Variants in MTF2 observed in about 807,000 individuals in gnomAD.
MTF2 encodes the protein metal-response element-binding transcription factor 2.
MTF2 carries 11 observed loss-of-function variants against 79.5 expected under a neutral mutation model. The ratio of observed to expected loss-of-function variants is 0.14; its 90% CI spans 0.09 to 0.23. MTF2 has a LOEUF of 0.23. Ranked by LOEUF, MTF2 falls within the 10% of genes least tolerant of loss-of-function variation. MTF2 has a pLI of 1.00. For synonymous variants in MTF2, 208 were observed against 232.8 expected, an observed-to-expected ratio of 0.89 and a Z score of 0.97; for missense variants, 486 against 711.2, an observed-to-expected ratio of 0.68 and a Z score of 3.60.
intron 1 of MTF2, among the ~76,000 whole-genome samples, chr1:93,105,339 A>G (rs114603604): frequency 0.01 from 1,585 of 152,202 alleles, 33 homozygotes; most frequent in African/African-American, 0.036. Flanking sequence ...ACAAAGAATC[A>G]AGAGAATTTA....
intron 1 of MTF2, among the ~76,000 whole-genome samples, chr1:93,101,522 T>A (rs12087466): frequency 0.16 from 23,640 of 147,808 alleles, 2,170 homozygotes; most frequent in African/African-American, 0.21. Context: ...GCAAATTTTT[T>A]AAAAATTTTC....
chr1:93,091,310 C>G (rs1655067071), intron 1 of MTF2, among the ~76,000 whole-genome samples: 1 of 151,994 alleles, frequency 6.6e-6, no homozygotes, highest in Non-Finnish European at 1.5e-5. Context: ...CTGGTGACTT[C>G]TTTTCCTCAG....
At chr1:93,130,293 C>T (rs1357452425) in intron 11 of MTF2, among the ~76,000 whole-genome samples, 1 of 152,100 alleles carries the variant, frequency 6.6e-6, no homozygotes, top group Non-Finnish European at 1.5e-5. Flanking sequence ...TTTAGAAATA[C>T]TTGGCCGGGT....
chr1:93,121,029 A>G, intron 9 of MTF2: 3 of 1,032,486 alleles, frequency 2.9e-6, no homozygotes, highest in African/African-American at 1.7e-5. Context: ...CTATAAACTT[A>G]GAGATATAAC....
At position 93,118,774 on chromosome 1, in the gene MTF2, A is replaced by G. The variant is rs548429539; in HGVS notation, c.728+334A>G. Among the ~76,000 whole-genome samples, 6 of 152,348 alleles carry G rather than the reference A, an allele frequency of 3.9e-5. No individual in the cohort carries two copies. In the South Asian group the frequency reaches 1.2e-3, roughly 32 times the overall value. On this transcript the variant is annotated intron_variant, in intron 7 of 14. Transcript: ENST00000370298. ...ACAGGGCCTTGTTAAAGACACAACT[A>G]TACTTTAGATATGAAAAATTTGTAA... is the stretch of plus-strand genomic sequence containing the variant.
At chr1:93,104,268 A>C (rs1387384216) in intron 1 of MTF2, among the ~76,000 whole-genome samples, 1 of 152,042 alleles carries the variant, frequency 6.6e-6, no homozygotes, top group Non-Finnish European at 1.5e-5. Flanking sequence ...ATGCAGTTTT[A>C]TATAGGATTT....
At chr1:93,099,947 A>G (rs922084509) in intron 1 of MTF2, among the ~76,000 whole-genome samples, 49 of 152,370 alleles carry the variant, frequency 3.2e-4, no homozygotes, top group African/African-American at 1.1e-3. Flanking sequence ...ATATTTACAC[A>G]TTGTACAATA....
At chr1:93,099,718 A>G (rs995284438) in intron 1 of MTF2, among the ~76,000 whole-genome samples, 12 of 152,182 alleles carry the variant, frequency 7.9e-5, no homozygotes, top group African/African-American at 2.9e-4. Flanking sequence ...AACTTCCAAG[A>G]TGACAAGAGC....
At chr1:93,081,132 T>C (rs1197118967) in intron 1 of MTF2, 2 of 152,218 alleles carry the variant, frequency 1.3e-5, no homozygotes, top group African/African-American at 4.8e-5. Flanking sequence ...ACTATCAGGA[T>C]GAAATGCATA....
intron 1 of MTF2, among the ~76,000 whole-genome samples, chr1:93,085,592 T>G (rs1264278403): frequency 6.6e-6 from 1 of 151,486 alleles, no homozygotes; most frequent in Non-Finnish European, 1.5e-5. Flanking sequence ...GCTCAAGTGA[T>G]CCTTCCACCT....
Position 93,129,417 on chromosome 1 carries a change from A to G in MTF2, c.1129A>G (p.Arg377Gly). ...GTSHEFKIKG[R>G]KASKPISDSR... The stretch of plus-strand genomic sequence containing the variant: ...ATCTCATGAATTTAAAATTAAAGGC[A>G]GAAAGGCATCCAAACCTATATCTGA... The change falls in exon 11 of 15, where the codon AGA becomes GGA. Residue 377 changes from arginine to glycine, a missense_variant. Physicochemically the swap from Arg to Gly is moderately radical, Grantham distance 125. This residue lies in a region of MTF2 where 209 missense variants were observed against 206.5 expected (regional missense o/e 1.01). Coordinates refer to ENST00000370298, the MANE Select transcript of MTF2 (RefSeq NM_007358.4). 1 of 1,567,824 alleles carries G rather than the reference A, an allele frequency of 6.4e-7. No individual in the cohort carries two copies. Among genetic ancestry groups the G allele is most frequent in the South Asian group, 1.2e-5 (1 of 84,060 alleles).
chr1:93,089,165 GA>G (rs1458848920), intron 1 of MTF2, among the ~76,000 whole-genome samples: 2 of 152,156 alleles, frequency 1.3e-5, no homozygotes, highest in Non-Finnish European at 2.9e-5. Flanking sequence ...TGAGGTTGGG[GA>G]GGAGAATTTG....
intron 1 of MTF2, among the ~76,000 whole-genome samples, chr1:93,103,004 C>T (rs1334975981): frequency 4.6e-5 from 7 of 151,516 alleles, no homozygotes; most frequent in Admixed American, 2.0e-4. Context: ...TGGTGGTGGG[C>T]GCCTGTAGTC....
intron 14 of MTF2, among the ~76,000 whole-genome samples, chr1:93,135,455 T>C (rs920140616): frequency 7.2e-5 from 11 of 152,260 alleles, no homozygotes; most frequent in African/African-American, 2.7e-4. Context: ...CATTTATTAA[T>C]GAATTCTGAA....
At position 93,105,078 on chromosome 1, in the gene MTF2, A is replaced by G. The variant is rs187371600; in HGVS notation, c.6-5152A>G. On this transcript the variant is annotated intron_variant, in intron 1 of 14. Transcript: ENST00000370298. ...AGAATGGCGTGAACCTGGGAGGCGG[A>G]GCTTGCAGTGAGCCGAGATAGCGCC... Among the ~76,000 whole-genome samples the G allele has an allele frequency of 2.4e-3, 341 of 141,728 alleles. 7 individuals carry two copies. Among genetic ancestry groups the G allele is most frequent in the Admixed American group, 0.022 (288 of 13,384 alleles). The allele number at this position is 141,728 out of a possible 152,430, so 93.0% of individuals were successfully genotyped here.
chr1:93,110,050 G>A (rs1055491825), intron 1 of MTF2, among the ~76,000 whole-genome samples, 180 bp from the exon 2 acceptor site: 3 of 152,134 alleles, frequency 2.0e-5, no homozygotes, highest in African/African-American at 7.2e-5. Flanking sequence ...ATTGAGAATT[G>A]TTATCATTTT....
chr1:93,120,302 A>G (rs34410870), intron 8 of MTF2: 2,461 of 92,116 alleles, frequency 0.027, 43 homozygotes, highest in African/African-American at 0.13. Flanking sequence ...TGTCTCCAAG[A>G]AAAAAAAAAA....
rs1228325066 is a variant in MTF2 at position 93,114,971 on chromosome 1, C to CT, written c.383-10dup. 1.9e-6 allele frequency: 3 copies of CT among 1,545,518 alleles called. No homozygotes were observed. Among genetic ancestry groups the CT allele is most frequent in the Non-Finnish European group, 2.7e-6 (3 of 1,128,634 alleles). On this transcript the variant is annotated splice_polypyrimidine_tract_variant and intron_variant, in intron 4 of 14. Transcript: ENST00000370298. Reference sequence around the variant, plus strand: ...TTAATGAAACCGAATTTGCTTTATGCTTTTTTTGATATTAAGGATATCATC... The same window carrying CT: ...TTAATGAAACCGAATTTGCTTTATGCTTTTTTTTGATATTAAGGATATCATC...
At chr1:93,105,164 GAC>G (rs1655720188) in intron 1 of MTF2, among the ~76,000 whole-genome samples, 2 of 136,198 alleles carry the variant, frequency 1.5e-5, no homozygotes, top group African/African-American at 5.7e-5. Context: ...AAAAAAAAGA[GAC>G]AGACATTCCC....
Sources: allele counts gnomAD v4.1 joint callset (sites outside exome capture counted in the v4.1 genomes callset), GRCh38; gene constraint gnomAD v4.1.1; regional missense constraint gnomAD v4.1.1; transcripts MANE v1.5; gene names NCBI Gene and HGNC (gene_info 2026-07-23, HGNC 2026-07-21).